Variants in PLXDC2 observed in about 807,000 individuals in gnomAD.
The protein encoded by PLXDC2 is plexin domain containing 2, also known as plexin domain-containing protein 2.
Under a neutral mutation model 68.9 loss-of-function variants are expected in PLXDC2, and 40 were observed. The ratio of observed to expected loss-of-function variants is 0.58; its 90% confidence interval spans 0.45 to 0.76. PLXDC2 has a LOEUF of 0.76. PLXDC2 is among the 30% of genes least tolerant of loss of function. The pLI is 0.00. For missense variants in PLXDC2, 644 were observed against 661.9 expected (o/e 0.97, Z 0.30); for synonymous variants, 243 against 234.2 (o/e 1.04, Z -0.34).
chr10:19,872,322 G>C (rs896743543), intron 1 of PLXDC2, among the ~76,000 whole-genome samples: 3 of 152,174 alleles, frequency 2.0e-5, no homozygotes, highest in Non-Finnish European at 2.9e-5. Flanking sequence ...AAAAGTCAAG[G>C]AAATCTCACT....
At chr10:20,226,449 A>G (rs1835288945) in intron 12 of PLXDC2, among the ~76,000 whole-genome samples, 1 of 152,212 alleles carries the variant, frequency 6.6e-6, no homozygotes, top group African/African-American at 2.4e-5. Context: ...TGGTAAAGGT[A>G]GTTAGTTACA....
At chr10:19,909,986 T>A (rs7901813) in intron 1 of PLXDC2, among the ~76,000 whole-genome samples, 106,624 of 151,982 alleles carry the variant, frequency 0.7, 37,937 homozygotes, top group African/African-American at 0.77. Context: ...AATATTTAGT[T>A]CAGAACATAA....
intron 1 of PLXDC2, among the ~76,000 whole-genome samples, chr10:19,944,777 C>A (rs915504265): frequency 6.6e-6 from 1 of 152,116 alleles, no homozygotes; most frequent in African/African-American, 2.4e-5. Context: ...ATGATGAAAC[C>A]CCGTTTCTAC....
At chr10:20,026,125 A>G (rs979326596) in intron 2 of PLXDC2, among the ~76,000 whole-genome samples, 11 of 151,334 alleles carry the variant, frequency 7.3e-5, no homozygotes, top group Non-Finnish European at 1.3e-4. Flanking sequence ...TCTGAGATGC[A>G]TAGGTAAATC....
chr10:20,120,457 A>G (rs1833681819), intron 4 of PLXDC2, among the ~76,000 whole-genome samples: 1 of 152,248 alleles, frequency 6.6e-6, no homozygotes, highest in South Asian at 2.1e-4. Flanking sequence ...TAAGAGCCTG[A>G]AAAACTGCTT....
At chr10:19,820,604 G>A (rs1356702604) in intron 1 of PLXDC2, among the ~76,000 whole-genome samples, 1 of 145,914 alleles carries the variant, frequency 6.9e-6, no homozygotes, top group South Asian at 2.2e-4. Flanking sequence ...ACTGCAGTCC[G>A]CAGTCCGGCC....
intron 6 of PLXDC2, among the ~76,000 whole-genome samples, chr10:20,156,010 G>T (rs547015755): frequency 2.0e-5 from 3 of 152,252 alleles, no homozygotes; most frequent in Admixed American, 6.5e-5. Flanking sequence ...CTCCCAAGGA[G>T]CTGGGATTAC....
intron 3 of PLXDC2, among the ~76,000 whole-genome samples, chr10:20,065,984 C>T (rs1836203322): frequency 6.6e-6 from 1 of 152,246 alleles, no homozygotes; most frequent in Non-Finnish European, 1.5e-5. Flanking sequence ...AGAGCCATGA[C>T]ACTTCTGAGG....
intron 4 of PLXDC2, among the ~76,000 whole-genome samples, chr10:20,126,298 T>C (rs1833776623): frequency 6.8e-6 from 1 of 146,916 alleles, no homozygotes; most frequent in African/African-American, 2.5e-5. Context: ...ATATAATACA[T>C]ATATACACAT....
intron 2 of PLXDC2, among the ~76,000 whole-genome samples, chr10:20,018,304 G>A (rs1835247500): frequency 6.9e-6 from 1 of 144,906 alleles, no homozygotes; most frequent in South Asian, 2.2e-4. Context: ...CCCATACTAT[G>A]TTGAGTTGAA....
chr10:20,017,069 A>G (rs1341130059), intron 2 of PLXDC2, among the ~76,000 whole-genome samples: 1 of 152,206 alleles, frequency 6.6e-6, no homozygotes. Context: ...CAAAGCACAC[A>G]TGCCTGGAGA....
intron 1 of PLXDC2, among the ~76,000 whole-genome samples, chr10:19,927,469 A>G (rs187369678): frequency 9.2e-5 from 14 of 152,228 alleles, no homozygotes; most frequent in African/African-American, 3.4e-4. Context: ...TTGGAGGCCA[A>G]GTCAGGCGGA....
chr10:20,013,170 A>G (rs2131646170), intron 2 of PLXDC2, among the ~76,000 whole-genome samples: 1 of 152,284 alleles, frequency 6.6e-6, no homozygotes, highest in East Asian at 1.9e-4. Context: ...CAATCTGTTT[A>G]TCTATCTACC....
intron 1 of PLXDC2, among the ~76,000 whole-genome samples, chr10:19,847,261 A>G (rs996532062): frequency 2.0e-5 from 3 of 152,132 alleles, no homozygotes; most frequent in Non-Finnish European, 4.4e-5. Context: ...CATGCTTTCT[A>G]TATTTGTTTA....
intron 13 of PLXDC2, among the ~76,000 whole-genome samples, chr10:20,258,334 T>C (rs1402036268): frequency 5.3e-5 from 8 of 152,032 alleles, no homozygotes; most frequent in Admixed American, 2.0e-4. Flanking sequence ...TTCCTTCCTT[T>C]CGCCGAAGAC....
At chr10:20,135,877 G>T (rs1396580587) in intron 4 of PLXDC2, among the ~76,000 whole-genome samples, 1 of 152,038 alleles carries the variant, frequency 6.6e-6, no homozygotes, top group Non-Finnish European at 1.5e-5. Context: ...AAATCTATTT[G>T]ATGTATTTTA....
chr10:19,844,994 A>G (rs1836979780), intron 1 of PLXDC2, among the ~76,000 whole-genome samples: 1 of 152,172 alleles, frequency 6.6e-6, no homozygotes, highest in Non-Finnish European at 1.5e-5. Flanking sequence ...ACAAGAAAAT[A>G]TCTTGCTTTG....
intron 1 of PLXDC2, among the ~76,000 whole-genome samples, chr10:19,977,154 G>A (rs1834470809): frequency 6.6e-6 from 1 of 152,116 alleles, no homozygotes; most frequent in Non-Finnish European, 1.5e-5. Context: ...TGCTCGTATT[G>A]TGAAATGGGA....
chr10:20,192,708 G>T (rs1371798331), intron 9 of PLXDC2, among the ~76,000 whole-genome samples: 1 of 151,940 alleles, frequency 6.6e-6, no homozygotes, highest in African/African-American at 2.4e-5. Context: ...TGAAAAGAGA[G>T]AATAATCTTT....
Sources: gnomAD v4.1 joint callset for allele counts (sites outside exome capture counted in the v4.1 genomes callset) on GRCh38, gnomAD v4.1.1 for gene constraint, MANE v1.5 for transcripts, NCBI Gene and HGNC (gene_info 2026-07-23, HGNC 2026-07-21) for gene names.